LINGO2: variants seen among roughly 807,000 people sequenced by gnomAD.
The protein encoded by LINGO2 is leucine rich repeat and Ig domain containing 2.
LINGO2 carries 14 observed loss-of-function variants against 30.6 expected under a neutral mutation model. The observed-to-expected ratio is 0.46, with a 90% CI of 0.30 to 0.72. LINGO2 has a LOEUF of 0.72. Among genes scored for constraint, LINGO2 ranks in the 30% least tolerant of loss-of-function variants. The pLI is 0.07. For missense variants in LINGO2, 729 were observed against 751.7 expected (o/e 0.97, Z 0.35); for synonymous variants, 317 against 288.5 (o/e 1.10, Z -1.00).
intron 2 of LINGO2, among the ~76,000 whole-genome samples, chr9:28,399,875 A>G (rs1249274203): frequency 2.0e-5 from 3 of 152,192 alleles, no homozygotes; most frequent in African/African-American, 7.2e-5. Flanking sequence ...TAAAAGTAAT[A>G]CCTATTTTGA....
chr9:28,934,054 G>T, the LINGO2 span, among the ~76,000 whole-genome samples: 1 of 152,194 alleles, frequency 6.6e-6, no homozygotes, highest in Admixed American at 6.5e-5. Flanking sequence ...GGACTGGTAG[G>T]AGTGTAGCAC....
At chr9:28,419,020 G>GTCCAGAGCAACATT (rs1327374108) in intron 2 of LINGO2, among the ~76,000 whole-genome samples, 4 of 152,222 alleles carry the variant, frequency 2.6e-5, no homozygotes, top group African/African-American at 7.2e-5. Context: ...TCCAGAGTAA[G>GTCCAGAGCAACATT]TCCAGAGTAA....
intron 1 of LINGO2, among the ~76,000 whole-genome samples, chr9:28,556,684 T>G (rs975023655): frequency 1.1e-3 from 170 of 151,204 alleles, no homozygotes; most frequent in African/African-American, 3.2e-3. Context: ...AGCCCGCATC[T>G]CCAAGTCAAT....
chr9:28,963,457 T>C, the LINGO2 span, among the ~76,000 whole-genome samples: 1 of 151,790 alleles, frequency 6.6e-6, no homozygotes, highest in South Asian at 2.1e-4. Context: ...CCCTCATGTT[T>C]ACTGTGGCAT....
At chr9:28,628,668 T>A (rs549419135) in intron 1 of LINGO2, among the ~76,000 whole-genome samples, 3 of 152,242 alleles carry the variant, frequency 2.0e-5, no homozygotes, top group South Asian at 4.1e-4. Flanking sequence ...CAGGGATTGA[T>A]GTTACCCACT....
At chr9:28,908,156 T>TAC in the LINGO2 span, among the ~76,000 whole-genome samples, 18 of 150,276 alleles carry the variant, frequency 1.2e-4, no homozygotes, top group African/African-American at 2.4e-4. Context: ...CACACACACA[T>TAC]ACACACACAC....
At chr9:29,040,622 AT>A in the LINGO2 span, among the ~76,000 whole-genome samples, 1 of 151,880 alleles carries the variant, frequency 6.6e-6, no homozygotes, top group African/African-American at 2.4e-5. Flanking sequence ...GACATATGTC[AT>A]TGAGAAGCTT....
chr9:28,063,830 T>C (rs1364675884), intron 4 of LINGO2, among the ~76,000 whole-genome samples: 1 of 152,142 alleles, frequency 6.6e-6, no homozygotes, highest in Non-Finnish European at 1.5e-5. Context: ...TTCATTATAA[T>C]TGATATTGTG....
At chr9:28,169,221 C>CA (rs1345124696) in intron 4 of LINGO2, among the ~76,000 whole-genome samples, 2 of 152,192 alleles carry the variant, frequency 1.3e-5, no homozygotes, top group Non-Finnish European at 2.9e-5. Context: ...GAGGCAGCAG[C>CA]ATGCAGAACA....
At chr9:28,525,879 C>T (rs1335197074) in intron 1 of LINGO2, among the ~76,000 whole-genome samples, 4 of 151,802 alleles carry the variant, frequency 2.6e-5, no homozygotes, top group African/African-American at 7.3e-5. Flanking sequence ...CGCGGTGAAA[C>T]CCCGTCTCTA....
intron 4 of LINGO2, among the ~76,000 whole-genome samples, chr9:28,176,537 A>G (rs890571405): frequency 3.9e-5 from 6 of 152,210 alleles, no homozygotes; most frequent in African/African-American, 1.2e-4. Context: ...ATTATGCTCA[A>G]TAAAGATTAA....
chr9:28,135,928 C>T (rs902039747), intron 4 of LINGO2, among the ~76,000 whole-genome samples: 1 of 152,094 alleles, frequency 6.6e-6, no homozygotes, highest in Non-Finnish European at 1.5e-5. Context: ...TTTTTCCCTT[C>T]ACTGCAATGT....
intron 1 of LINGO2, among the ~76,000 whole-genome samples, chr9:28,560,597 G>C (rs551627950): frequency 6.6e-6 from 1 of 151,868 alleles, no homozygotes; most frequent in Non-Finnish European, 1.5e-5. Context: ...GGCATTATTT[G>C]GGTGTGATTA....
intron 2 of LINGO2, among the ~76,000 whole-genome samples, chr9:28,405,364 A>G (rs1315624598): frequency 6.6e-6 from 1 of 152,134 alleles, no homozygotes; most frequent in African/African-American, 2.4e-5. Context: ...AACCTCTATC[A>G]TAGTTAACTC....
At chr9:29,117,333 T>G in the LINGO2 span, among the ~76,000 whole-genome samples, 1 of 152,164 alleles carries the variant, frequency 6.6e-6, no homozygotes, top group African/African-American at 2.4e-5. Context: ...CGATTGTTAG[T>G]ATTTGCCCAT....
At chr9:28,552,402 A>G (rs1177216639) in intron 1 of LINGO2, among the ~76,000 whole-genome samples, 2 of 152,234 alleles carry the variant, frequency 1.3e-5, no homozygotes, top group East Asian at 3.9e-4. Flanking sequence ...AGAACCCTAG[A>G]TTATAACTCA....
intron 4 of LINGO2, among the ~76,000 whole-genome samples, chr9:28,153,896 G>A (rs1056733187): frequency 6.6e-6 from 1 of 152,148 alleles, no homozygotes; most frequent in African/African-American, 2.4e-5. Context: ...ATTAAGGAAA[G>A]CAAATACAAT....
At chr9:28,420,659 T>A (rs1428554103) in intron 2 of LINGO2, among the ~76,000 whole-genome samples, 2 of 152,070 alleles carry the variant, frequency 1.3e-5, no homozygotes, top group Non-Finnish European at 2.9e-5. Flanking sequence ...ATAGTACCAT[T>A]TGTTCTCTAT....
At chr9:28,853,024 G>A in the LINGO2 span, among the ~76,000 whole-genome samples, 1 of 152,044 alleles carries the variant, frequency 6.6e-6, no homozygotes, top group South Asian at 2.1e-4. Context: ...AGTGGCTAAG[G>A]ACTGCTGAGC....
Sources: gnomAD v4.1 joint callset for allele counts (sites outside exome capture counted in the v4.1 genomes callset) on GRCh38, gnomAD v4.1.1 for gene constraint, MANE v1.5 for transcripts, NCBI Gene and HGNC (gene_info 2026-07-23, HGNC 2026-07-21) for gene names.